Variants in OTUD6B observed in about 807,000 individuals in gnomAD.
The protein encoded by OTUD6B is OTU deubiquitinase 6B, also known as deubiquitinase OTUD6B.
In OTUD6B, 41 loss-of-function variants were observed where a neutral mutation model predicts 36.9. The observed-to-expected ratio is 1.11, with a 90% CI of 0.87 to 1.44. The LOEUF is 1.44. OTUD6B is among the 40% of genes most tolerant of loss of function. The pLI is 0.00. For synonymous variants in OTUD6B, 114 were observed against 114.2 expected, an observed-to-expected ratio of 1.00 and a Z score of 0.01; for missense variants, 356 against 344.8, an observed-to-expected ratio of 1.03 and a Z score of -0.26.
chr8:91,083,313 G>T (rs972198624), intron 5 of OTUD6B, among the ~76,000 whole-genome samples: 1 of 152,030 alleles, frequency 6.6e-6, no homozygotes, highest in Non-Finnish European at 1.5e-5. Context: ...TTGGTCCGGT[G>T]CTTGAGCAAT....
intron 4 of OTUD6B, chr8:91,079,323 C>T (rs1812857163): frequency 6.6e-6 from 1 of 152,020 alleles, no homozygotes; most frequent in Non-Finnish European, 1.5e-5. Flanking sequence ...TGGCAGTATC[C>T]ATTGTTCCCA....
At chr8:91,071,543 T>TAGCCATG (rs1464669401) in intron 2 of OTUD6B, among the ~76,000 whole-genome samples, 2 of 152,160 alleles carry the variant, frequency 1.3e-5, no homozygotes, top group Non-Finnish European at 2.9e-5. Flanking sequence ...AGAGACAGGG[T>TAGCCATG]TTCACCATGT....
intron 4 of OTUD6B, chr8:91,079,091 A>G (rs1812853738): frequency 6.5e-6 from 1 of 153,900 alleles, no homozygotes; most frequent in Non-Finnish European, 1.4e-5. Flanking sequence ...TTTATTTACA[A>G]TAAGCTATAA....
intron 2 of OTUD6B, among the ~76,000 whole-genome samples, chr8:91,073,493 G>A (rs1035010026): frequency 2.0e-5 from 3 of 152,068 alleles, no homozygotes; most frequent in African/African-American, 7.2e-5. Context: ...AGCCAGCACA[G>A]GACCTTTATC....
chr8:91,077,659 A>G (rs1291042253), intron 3 of OTUD6B, among the ~76,000 whole-genome samples: 1 of 151,934 alleles, frequency 6.6e-6, no homozygotes, highest in Non-Finnish European at 1.5e-5. Flanking sequence ...AAGGAAAGCA[A>G]ATTGTAGAAT....
At position 91,078,393 on chromosome 8, in the gene OTUD6B, G is replaced by A. The variant is rs145480057; in HGVS notation, c.353G>A (p.Arg118Gln). The A allele has an allele frequency of 5.0e-5, 80 of 1,591,470 alleles. No homozygotes were observed. The highest frequency in any genetic ancestry group is 9.1e-5 in the East Asian group (4 of 44,118). ...GCATTGGAAAAGGAGCGAGAAGAACGGATAGCTGAAGCTGAAATTGAAAAC... is the reference window on the plus strand; with the variant it reads ...GCATTGGAAAAGGAGCGAGAAGAACAGATAGCTGAAGCTGAAATTGAAAAC... ...KAALEKEREE[R>Q]IAEAEIENLT... Residue 118 changes from arginine to glutamine, a missense_variant, in exon 4 of 7, where the codon CGG becomes CAG. By Grantham distance (43) the Arg-to-Gln change is conservative. Transcript: ENST00000404789.
chr8:91,073,530 AAAG>A (rs1812738472), intron 2 of OTUD6B, among the ~76,000 whole-genome samples: 1 of 152,186 alleles, frequency 6.6e-6, no homozygotes, highest in Admixed American at 6.5e-5. Context: ...TAGTCAGAGA[AAAG>A]AAGAGTGGAG....
chr8:91,071,339 T>C, intron 2 of OTUD6B, 50 bp downstream of exon 2: 1 of 1,082,126 alleles, frequency 9.2e-7, no homozygotes, highest in Non-Finnish European at 1.3e-6. Context: ...AAAACAGCTG[T>C]CCACTTCTGT....
chr8:91,081,055 A>G (rs1222787456), intron 5 of OTUD6B, among the ~76,000 whole-genome samples: 2 of 152,166 alleles, frequency 1.3e-5, no homozygotes, highest in African/African-American at 4.8e-5. Context: ...TAGGAAAATG[A>G]AAATTTTACT....
chr8:91,082,000 A>C (rs1287564521), intron 5 of OTUD6B, among the ~76,000 whole-genome samples: 1 of 152,156 alleles, frequency 6.6e-6, no homozygotes, highest in Non-Finnish European at 1.5e-5. Flanking sequence ...ACATCTTTTG[A>C]GGGACACTTA....
chr8:91,070,805 A>G (rs1586201389), intron 1 of OTUD6B, among the ~76,000 whole-genome samples: 1 of 151,916 alleles, frequency 6.6e-6, no homozygotes, highest in East Asian at 1.9e-4. Flanking sequence ...CTTGTCCCTA[A>G]TGGGTGTATT....
intron 2 of OTUD6B, 96 bp downstream of exon 2, chr8:91,071,385 C>T (rs576447298): frequency 1.4e-5 from 14 of 972,056 alleles, no homozygotes; most frequent in Non-Finnish European, 1.9e-5. Context: ...TTTTTTGAGA[C>T]GGTGTCTCGC....
chr8:91,080,713 T>C lies in OTUD6B; in HGVS notation c.673T>C (p.Trp225Arg). The part of the protein sequence containing the change: ...YCEDIVNTAA[W>R]GGQLELRALS... Reference sequence around the variant, plus strand: ...TGAAGATATTGTAAACACAGCTGCATGGGGAGGTCAGCTTGAGGTAAGTTT... The same window carrying C: ...TGAAGATATTGTAAACACAGCTGCACGGGGAGGTCAGCTTGAGGTAAGTTT... Residue 225 changes from tryptophan to arginine, a missense_variant, in exon 5 of 7, where the codon TGG (tryptophan) becomes CGG (arginine). Coordinates refer to ENST00000404789, the MANE Select transcript of OTUD6B (RefSeq NM_016023.5). 1 of 1,603,274 alleles carries C rather than the reference T, an allele frequency of 6.2e-7. No individual in the cohort carries two copies.
intron 2 of OTUD6B, among the ~76,000 whole-genome samples, chr8:91,072,252 A>T (rs1458177312): frequency 6.6e-6 from 1 of 152,196 alleles, no homozygotes; most frequent in Admixed American, 6.5e-5. Flanking sequence ...CCCATTTTTC[A>T]AGTGGGAAAC....
intron 1 of OTUD6B, 44 bp from the exon 2 acceptor site, chr8:91,071,094 T>G: frequency 6.2e-7 from 1 of 1,603,180 alleles, no homozygotes; most frequent in Non-Finnish European, 8.5e-7. Context: ...CTCATCTCCT[T>G]TTACTCCTGC....
chr8:91,071,945 T>C (rs1372546885), intron 2 of OTUD6B, among the ~76,000 whole-genome samples: 3 of 152,224 alleles, frequency 2.0e-5, no homozygotes, highest in Admixed American at 1.3e-4. Flanking sequence ...TTTTCCCACA[T>C]ATATAATACG....
At chr8:91,079,587 T>C (rs1178855609) in intron 4 of OTUD6B, among the ~76,000 whole-genome samples, 1 of 152,192 alleles carries the variant, frequency 6.6e-6, no homozygotes, top group Admixed American at 6.5e-5. Flanking sequence ...TGTTAACTTA[T>C]CTCTTGCTGT....
intron 3 of OTUD6B, 163 bp from the exon 4 acceptor site, chr8:91,078,193 C>T (rs1812835903): frequency 1.1e-6 from 1 of 926,308 alleles, no homozygotes; most frequent in African/African-American, 1.8e-5. Flanking sequence ...GTAAGGAGCT[C>T]ACCTTGTAGA....
At chr8:91,073,976 A>T in intron 3 of OTUD6B, 65 bp downstream of exon 3, 2 of 1,057,422 alleles carry the variant, frequency 1.9e-6, no homozygotes, top group African/African-American at 3.2e-5. Flanking sequence ...CTTAGGTACT[A>T]TCTTAGGTCT....
Sources: allele counts gnomAD v4.1 joint callset (sites outside exome capture counted in the v4.1 genomes callset), GRCh38; gene constraint gnomAD v4.1.1; transcripts MANE v1.5; gene names NCBI Gene and HGNC (gene_info 2026-07-23, HGNC 2026-07-21).